Variants in XPR1 observed in about 807,000 individuals in gnomAD.
XPR1 encodes xenotropic and polytropic retrovirus receptor 1, also known as solute carrier family 53 member 1.
Under a neutral mutation model 87.5 loss-of-function variants are expected in XPR1, and 28 were observed. The ratio of observed to expected loss-of-function variants is 0.32; its 90% confidence interval spans 0.24 to 0.44. The LOEUF (loss-of-function observed/expected upper bound fraction) is 0.44, where lower values mean the gene tolerates loss of function less well. XPR1 is among the 20% of genes least tolerant of loss of function. The pLI, the probability that XPR1 is intolerant of heterozygous loss-of-function variation, is 1.00. For synonymous variants in XPR1, 300 were observed against 306.1 expected (o/e 0.98, Z 0.21); for missense variants, 559 against 862.3 (o/e 0.65, Z 4.41).
At chr1:180,688,690 C>T (rs753748245) in intron 2 of XPR1, among the ~76,000 whole-genome samples, 2 of 152,150 alleles carry the variant, frequency 1.3e-5, no homozygotes, top group African/African-American at 2.4e-5. Context: ...ACAATTCTTA[C>T]ATATAGTACC....
chr1:180,821,218 A>G (rs946550320), intron 7 of XPR1, among the ~76,000 whole-genome samples: 8 of 152,176 alleles, frequency 5.3e-5, no homozygotes, highest in Admixed American at 3.3e-4. Context: ...TTTTGAATTA[A>G]TCTTTGTGTA....
chr1:180,804,292 GTCC>G (rs1283955373), intron 4 of XPR1, among the ~76,000 whole-genome samples: 1 of 152,098 alleles, frequency 6.6e-6, no homozygotes, highest in African/African-American at 2.4e-5. Flanking sequence ...GGCTTTTATA[GTCC>G]TCCTAACCAA....
At chr1:180,781,347 G>A (rs1280768433) in intron 2 of XPR1, among the ~76,000 whole-genome samples, 1 of 151,902 alleles carries the variant, frequency 6.6e-6, no homozygotes, top group East Asian at 1.9e-4. Context: ...CACAGATCTG[G>A]AAATTAAGAA....
intron 1 of XPR1, among the ~76,000 whole-genome samples, chr1:180,653,526 T>C (rs1655358031): frequency 6.6e-6 from 1 of 151,436 alleles, no homozygotes; most frequent in South Asian, 2.1e-4. Flanking sequence ...GGTACAGTAG[T>C]CCCCCCCTTA....
At chr1:180,733,002 C>A (rs572216213) in intron 2 of XPR1, among the ~76,000 whole-genome samples, 1 of 152,182 alleles carries the variant, frequency 6.6e-6, no homozygotes, top group African/African-American at 2.4e-5. Context: ...ACCTCTGCAT[C>A]GTTCTGCTTC....
chr1:180,647,178 C>T lies in XPR1; in HGVS notation c.69+14908C>T, dbSNP rs556071697. ...ATAAGACTCTAATGGCACTGCTGAT[C>T]TGACAGGAGGCAGAGCTCTGGCCAT... On this transcript the variant is annotated intron_variant, in intron 1 of 14. Transcript: ENST00000367590. Among the ~76,000 whole-genome samples, 3 of 152,362 alleles carry T rather than the reference C, an allele frequency of 2.0e-5. No homozygotes were observed. The South Asian group carries it at 6.2e-4, about 32-fold the overall frequency.
chr1:180,804,791 A>G (rs965542530), intron 4 of XPR1, among the ~76,000 whole-genome samples: 1 of 152,158 alleles, frequency 6.6e-6, no homozygotes, highest in African/African-American at 2.4e-5. Flanking sequence ...AAATAATTAC[A>G]TATATTTATA....
At chr1:180,713,083 T>TG (rs1278336516) in intron 2 of XPR1, among the ~76,000 whole-genome samples, 63 of 152,110 alleles carry the variant, frequency 4.1e-4, no homozygotes, top group African/African-American at 1.4e-3. Flanking sequence ...TAGATAAATT[T>TG]GGGGAAAACG....
At chr1:180,774,562 T>G (rs961914593) in intron 2 of XPR1, among the ~76,000 whole-genome samples, 3 of 151,752 alleles carry the variant, frequency 2.0e-5, no homozygotes, top group African/African-American at 7.3e-5. Flanking sequence ...AGCTAATTTT[T>G]TTGTTTGTTT....
intron 1 of XPR1, among the ~76,000 whole-genome samples, chr1:180,676,694 C>A: frequency 6.6e-6 from 1 of 152,082 alleles, no homozygotes; most frequent in East Asian, 1.9e-4. Flanking sequence ...TTCCCTGAGA[C>A]ACAAGAAATT....
At chr1:180,643,826 G>A (rs2101897558) in intron 1 of XPR1, among the ~76,000 whole-genome samples, 1 of 152,226 alleles carries the variant, frequency 6.6e-6, no homozygotes, top group East Asian at 1.9e-4. Context: ...GACTTTCACT[G>A]AAGGGATAAA....
rs56118040 is a variant in XPR1 at position 180,694,773 on chromosome 1, G to GCACACACACA, written c.121+12384_121+12393dup. 3.2e-3 allele frequency among the ~76,000 whole-genome samples: 482 copies of GCACACACACA among 149,622 alleles called. 5 individuals are homozygous for GCACACACACA. The highest frequency in any genetic ancestry group is 0.01 in the African/African-American group (416 of 40,926). On this transcript the variant is annotated intron_variant, in intron 2 of 14. Transcript: ENST00000367590. ...TCACCCCGACTCCTGATTGTTGTGT[G>GCACACACACA]CACACACACACACACACACACACAC...
chr1:180,746,512 A>G (rs866528370), intron 2 of XPR1, among the ~76,000 whole-genome samples: 21 of 150,582 alleles, frequency 1.4e-4, no homozygotes, highest in Middle Eastern at 6.8e-3. Flanking sequence ...TTCTTTATCC[A>G]CTCCAGTTGA....
At chr1:180,632,640 G>A (rs1053424519) in intron 1 of XPR1, among the ~76,000 whole-genome samples, 2 of 152,312 alleles carry the variant, frequency 1.3e-5, no homozygotes, top group East Asian at 3.9e-4. Context: ...CTCCCCACTC[G>A]CCCTGACCTC....
chr1:180,874,690 CA>C (rs1336021704), intron 13 of XPR1, among the ~76,000 whole-genome samples: 3 of 143,624 alleles, frequency 2.1e-5, no homozygotes, highest in East Asian at 4.0e-4. Context: ...AACTCCGTCT[CA>C]AAAAAAAAAG....
chr1:180,878,469 A>G (rs918269269), intron 13 of XPR1, among the ~76,000 whole-genome samples: 1 of 152,166 alleles, frequency 6.6e-6, no homozygotes, highest in East Asian at 1.9e-4. Flanking sequence ...TTAATAATCT[A>G]TAATAATAAT....
chr1:180,744,241 C>G (rs1407796348), intron 2 of XPR1, among the ~76,000 whole-genome samples: 1 of 152,096 alleles, frequency 6.6e-6, no homozygotes, highest in Admixed American at 6.6e-5. Flanking sequence ...GCTCTGTCAT[C>G]TCTATTCTGT....
chr1:180,762,315 T>C (rs1430582586), intron 2 of XPR1, among the ~76,000 whole-genome samples: 1 of 152,124 alleles, frequency 6.6e-6, no homozygotes, highest in Non-Finnish European at 1.5e-5. Context: ...ATTATGTATG[T>C]ATATTTTACC....
At chr1:180,751,370 A>G (rs931303724) in intron 2 of XPR1, among the ~76,000 whole-genome samples, 3 of 152,060 alleles carry the variant, frequency 2.0e-5, no homozygotes, top group Non-Finnish European at 2.9e-5. Flanking sequence ...ATTCTTTGTT[A>G]CAGTTTTTCT....
Sources: gnomAD v4.1 joint callset for allele counts (sites outside exome capture counted in the v4.1 genomes callset) on GRCh38, gnomAD v4.1.1 for gene constraint, MANE v1.5 for transcripts, NCBI Gene and HGNC (gene_info 2026-07-23, HGNC 2026-07-21) for gene names.